The following CNTNAP2 variants were observed in gnomAD, a reference collection of about 807,000 sequenced individuals.
The protein encoded by CNTNAP2 is contactin-associated protein-like 2.
Under a neutral mutation model 155.2 loss-of-function variants are expected in CNTNAP2, and 98 were observed. The observed-to-expected ratio is 0.63, with a 90% CI of 0.54 to 0.75. The LOEUF is 0.75. Ranked by LOEUF, CNTNAP2 falls within the 30% of genes least tolerant of loss-of-function variation. The pLI is 0.00. For synonymous variants in CNTNAP2, 651 were observed against 631.2 expected (o/e 1.03, Z -0.47); for missense variants, 1,727 against 1,688.1 (o/e 1.02, Z -0.40).
chr7:147,797,609 C>T (rs1797918788), intron 13 of CNTNAP2, among the ~76,000 whole-genome samples: 1 of 151,390 alleles, frequency 6.6e-6, no homozygotes. Flanking sequence ...TTTTTTTTTA[C>T]ACTTTAGGAC....
Position 148,229,694 on chromosome 7 carries a change from A to G in CNTNAP2, c.3296A>G (p.Asn1099Ser), listed in dbSNP as rs748173228. The change falls in exon 20 of 24, where the codon AAT becomes AGT. Residue 1099 changes from asparagine to serine, a missense_variant. Physicochemically the swap from Asn to Ser is conservative, Grantham distance 46. Transcript: ENST00000361727. ...CTGGGTGGCACCCGAGAGCCATACA[A>G]TATTGACGTAGACCACAGGAACATG... ...YNLGGTREPY[N>S]IDVDHRNMAN... is the part of the protein sequence containing the mutation. The G allele has an allele frequency of 9.9e-6, 16 of 1,614,202 alleles. No homozygotes were observed. The highest frequency in any genetic ancestry group is 2.2e-5 in the South Asian group (2 of 91,086).
chr7:147,877,931 T>C (rs896413040), intron 13 of CNTNAP2, among the ~76,000 whole-genome samples: 10 of 152,226 alleles, frequency 6.6e-5, no homozygotes, highest in Admixed American at 2.6e-4. Flanking sequence ...ATACCCTACA[T>C]TGGAGAATTA....
rs1472419851 is a variant in CNTNAP2, at chr7:148,418,156, A to G, written c.*2540A>G. 1.3e-5 allele frequency: 2 copies of G among 152,256 alleles called. No homozygotes were observed. The highest frequency in any genetic ancestry group is 4.8e-5 in the African/African-American group (2 of 41,468). The allele number at this position is 152,256 out of a possible 1,614,324, so 9.4% of individuals were successfully genotyped here. A position where few individuals can be genotyped will look rare whatever the true frequency, so the allele number is the denominator to read the frequency against. ...TCTCCTTGGGATTATGGGTGTAACA[A>G]AAATCCCTACATCTGTTTATGAAGG... On this transcript the variant is annotated 3_prime_UTR_variant, in exon 24 of 24. Coordinates refer to ENST00000361727, the MANE Select transcript of CNTNAP2 (RefSeq NM_014141.6).
chr7:147,457,535 G>A (rs1314401901), intron 10 of CNTNAP2, among the ~76,000 whole-genome samples: 1 of 147,232 alleles, frequency 6.8e-6, no homozygotes. Flanking sequence ...CCTGTCGTGA[G>A]ACTACAAAGT....
At chr7:148,111,563 G>A (rs1341630815) in intron 15 of CNTNAP2, among the ~76,000 whole-genome samples, 3 of 151,882 alleles carry the variant, frequency 2.0e-5, no homozygotes, top group Admixed American at 2.0e-4. Flanking sequence ...AAATAAATAG[G>A]TGTTTGAGAA....
intron 10 of CNTNAP2, among the ~76,000 whole-genome samples, chr7:147,472,936 G>A (rs1798251371): frequency 6.6e-6 from 1 of 152,290 alleles, no homozygotes; most frequent in Non-Finnish European, 1.5e-5. Flanking sequence ...GGCTCTCAAA[G>A]TCTCAACTAG....
rs766446494 is a variant in CNTNAP2, at chr7:148,217,419, C to A, written c.3142C>A (p.Gln1048Lys). 1.2e-6 allele frequency: 2 copies of A among 1,614,090 alleles called. No individual in the cohort carries two copies. Among genetic ancestry groups the A allele is most frequent in the Non-Finnish European group, 1.7e-6 (2 of 1,180,050 alleles). Reference sequence around the variant, plus strand: ...GCAGAACTCCCACCCGGACCTGGCACAGGAGGAGATCCGCTTCAGCTTCAG... The same window carrying A: ...GCAGAACTCCCACCCGGACCTGGCAAAGGAGGAGATCCGCTTCAGCTTCAG... ...DQQNSHPDLA[Q>K]EEIRFSFSTT... The change falls in exon 19 of 24, where the codon CAG (glutamine) becomes AAG (lysine). Residue 1048 changes from glutamine (Q) to lysine (K), a missense_variant. Transcript: ENST00000361727.
At chr7:147,903,449 G>A (rs1464516931) in intron 13 of CNTNAP2, 116 bp from the exon 14 acceptor site, 1 of 1,134,108 alleles carries the variant, frequency 8.8e-7, no homozygotes, top group African/African-American at 1.5e-5. Flanking sequence ...TGACTTTTAA[G>A]AGGGTTGAGT....
chr7:147,671,666 G>A (rs1373412228), intron 13 of CNTNAP2: 5 of 152,168 alleles, frequency 3.3e-5, no homozygotes, highest in African/African-American at 1.2e-4. Flanking sequence ...GCTGTGACAT[G>A]ATAAAGCTCA....
chr7:147,921,995 G>A (rs1800290015), intron 14 of CNTNAP2, among the ~76,000 whole-genome samples: 1 of 151,692 alleles, frequency 6.6e-6, no homozygotes, highest in Admixed American at 6.5e-5. Flanking sequence ...AACAGCCCTA[G>A]TGAAAATTGT....
rs1252005342 is a variant in CNTNAP2, at chr7:148,418,033, C to CCTTCAAGAGGGTTA, written c.*2419_*2432dup. 2 of 152,194 alleles carry CCTTCAAGAGGGTTA rather than the reference C, an allele frequency of 1.3e-5. No homozygotes were observed. Among genetic ancestry groups the CCTTCAAGAGGGTTA allele is most frequent in the Admixed American group, 6.5e-5 (1 of 15,280 alleles). 9.4% of individuals were successfully genotyped at this position (152,194 alleles called of 1,614,324 possible). On this transcript the variant is annotated 3_prime_UTR_variant, in exon 24 of 24. Coordinates refer to ENST00000361727, the MANE Select transcript of CNTNAP2 (RefSeq NM_014141.6). ...ATTAAGACATATAGGACACTGTCTT[C>CCTTCAAGAGGGTTA]CTTCAAGAGGGTTACAATGTGGCCA...
intron 1 of CNTNAP2, among the ~76,000 whole-genome samples, chr7:146,660,975 G>A (rs1446807463): frequency 1.3e-5 from 2 of 152,128 alleles, no homozygotes; most frequent in African/African-American, 4.8e-5. Flanking sequence ...GATAAGGATG[G>A]GAAATGCAGG....
intron 13 of CNTNAP2, among the ~76,000 whole-genome samples, chr7:147,761,378 T>A (rs1296219359): frequency 6.6e-6 from 1 of 152,202 alleles, no homozygotes; most frequent in Non-Finnish European, 1.5e-5. Flanking sequence ...TCCAAGCACA[T>A]GCCTGTGCTT....
At chr7:147,734,544 G>A (rs1386220741) in intron 13 of CNTNAP2, among the ~76,000 whole-genome samples, 1 of 152,206 alleles carries the variant, frequency 6.6e-6, no homozygotes, top group African/African-American at 2.4e-5. Flanking sequence ...ATGAGTTAGG[G>A]AGGATTCCCT....
rs1238328458 is a variant in CNTNAP2, at chr7:147,190,179, A to T, written c.1348+57670A>T. 2.0e-5 allele frequency among the ~76,000 whole-genome samples: 3 copies of T among 152,136 alleles called. No homozygotes were observed. In the South Asian group the frequency reaches 6.2e-4, roughly 31 times the overall value. ...CTTCCAGTATCCTAGCATCAAAAGA[A>T]CATTCTCTTCATGACCATTTCACTG... On this transcript the variant is annotated intron_variant, in intron 8 of 23. Coordinates refer to ENST00000361727, the MANE Select transcript of CNTNAP2 (RefSeq NM_014141.6).
intron 1 of CNTNAP2, among the ~76,000 whole-genome samples, chr7:146,553,156 T>C (rs558256978): frequency 6.6e-6 from 1 of 152,252 alleles, no homozygotes; most frequent in East Asian, 1.9e-4. Context: ...ACATAATAGG[T>C]ACTCAGTAAA....
chr7:146,192,528 T>C (rs1480423555), intron 1 of CNTNAP2, among the ~76,000 whole-genome samples: 2 of 152,132 alleles, frequency 1.3e-5, no homozygotes, highest in Non-Finnish European at 2.9e-5. Context: ...CAAGAGAGCA[T>C]GTGCAGAGGA....
At chr7:146,892,562 A>G (rs996505686) in intron 3 of CNTNAP2, among the ~76,000 whole-genome samples, 7 of 152,244 alleles carry the variant, frequency 4.6e-5, no homozygotes, top group African/African-American at 1.7e-4. Flanking sequence ...CTGCCTATCT[A>G]GTCTTCAAAT....
chr7:148,089,290 A>C (rs770392509), intron 15 of CNTNAP2, among the ~76,000 whole-genome samples: 20 of 152,136 alleles, frequency 1.3e-4, no homozygotes, highest in Non-Finnish European at 2.7e-4. Flanking sequence ...ACATAGTACT[A>C]GAAGTACTAG....
Sources: gnomAD v4.1 joint callset for allele counts (sites outside exome capture counted in the v4.1 genomes callset) on GRCh38, gnomAD v4.1.1 for gene constraint, MANE v1.5 for transcripts, NCBI Gene and HGNC (gene_info 2026-07-23, HGNC 2026-07-21) for gene names.